STAM: variants seen among roughly 807,000 people sequenced by gnomAD.
STAM encodes the protein signal transducing adaptor molecule.
A neutral mutation model predicts 63.4 loss-of-function variants in STAM; 16 were observed. The observed-to-expected ratio is 0.25, with a 90% CI of 0.17 to 0.38. The LOEUF is 0.38. STAM is among the 10% of genes least tolerant of loss of function. STAM has a pLI of 1.00. For synonymous variants in STAM, 238 were observed against 223.9 expected, an observed-to-expected ratio of 1.06 and a Z score of -0.56; for missense variants, 636 against 657.1, an observed-to-expected ratio of 0.97 and a Z score of 0.35.
intron 2 of STAM, among the ~76,000 whole-genome samples, chr10:17,677,535 C>A (rs1411078851): frequency 6.6e-6 from 1 of 152,074 alleles, no homozygotes; most frequent in African/African-American, 2.4e-5. Context: ...TATGGGGTCA[C>A]GGACCCTGGC....
At position 17,644,275 on chromosome 10, in the gene STAM, C is replaced by T. The variant is rs1833429062; in HGVS notation, c.-65C>T. 1.3e-6 allele frequency: 2 copies of T among 1,573,740 alleles called. No homozygotes were observed. Among genetic ancestry groups the T allele is most frequent in the Non-Finnish European group, 1.7e-6 (2 of 1,144,212 alleles). On this transcript the variant is annotated 5_prime_UTR_variant, in exon 1 of 14. It adds an upstream start codon to the 5' untranslated region. Transcript: ENST00000377524. ...TTTGCCTGAGGAGTCTTCCATCCTA[C>T]GTCGAGCTCTGACTCCCGTGCTGTC...
chr10:17,660,050 A>C (rs1301791867), intron 1 of STAM, among the ~76,000 whole-genome samples: 1 of 116,532 alleles, frequency 8.6e-6, no homozygotes, highest in Non-Finnish European at 1.9e-5. Flanking sequence ...CCATATTATC[A>C]AAAAAAAAAT....
chr10:17,701,144 A>G (rs138501183), intron 9 of STAM, among the ~76,000 whole-genome samples: 2 of 152,324 alleles, frequency 1.3e-5, no homozygotes, highest in African/African-American at 4.8e-5. Context: ...TGGGATTTAA[A>G]TTTGAGATTT....
In STAM at chr10:17,716,621, A is replaced by G. The variant is rs1554830990; in HGVS notation, c.*1841A>G. On this transcript the variant is annotated 3_prime_UTR_variant, in exon 14 of 14. Transcript: ENST00000377524. ...GTCTTTTGATAAATTCCTGTTTACC[A>G]ATGTTAAATGTATCATTTTCCCATT... Among the ~76,000 whole-genome samples, 1 of 152,220 alleles carries G rather than the reference A, an allele frequency of 6.6e-6. No individual in the cohort carries two copies. The highest frequency in any genetic ancestry group is 1.5e-5 in the Non-Finnish European group (1 of 68,036).
chr10:17,677,654 A>G (rs2131616552), intron 2 of STAM, among the ~76,000 whole-genome samples: 2 of 152,348 alleles, frequency 1.3e-5, no homozygotes, highest in East Asian at 3.9e-4. Context: ...AATCTCTTAC[A>G]AAATCAGTAA....
intron 2 of STAM, among the ~76,000 whole-genome samples, chr10:17,683,939 T>A (rs1200935573): frequency 1.3e-5 from 2 of 152,216 alleles, no homozygotes; most frequent in Non-Finnish European, 2.9e-5. Context: ...GTGGTTACAT[T>A]CGTCTGTGGC....
intron 2 of STAM, among the ~76,000 whole-genome samples, chr10:17,666,385 G>GTTTTTTTTTTTTTTTTTTTTT (rs1425682476): frequency 9.8e-6 from 1 of 102,298 alleles, no homozygotes; most frequent in African/African-American, 3.8e-5. Context: ...CCTTGGCTTT[G>GTTTTTTTTTTTTTTTTTTTTT]TATTTTTTTT....
chr10:17,706,469 T>C (rs541527938), intron 12 of STAM, among the ~76,000 whole-genome samples: 31 of 139,918 alleles, frequency 2.2e-4, no homozygotes, highest in African/African-American at 7.9e-4. Flanking sequence ...AGCTCCGCCT[T>C]CCGGGTTCTC....
chr10:17,695,318 C>T (rs1024037803), intron 7 of STAM, 77 bp downstream of exon 7: 4 of 1,325,504 alleles, frequency 3.0e-6, no homozygotes, highest in African/African-American at 1.5e-5. Flanking sequence ...CTGTTGATTG[C>T]AGTTACCAAA....
chr10:17,666,109 GTTAAAA>G (rs782169500), intron 2 of STAM, among the ~76,000 whole-genome samples: 1 of 152,136 alleles, frequency 6.6e-6, no homozygotes, highest in Non-Finnish European at 1.5e-5. Flanking sequence ...TCAATAACAA[GTTAAAA>G]TTAAAGTTCT....
chr10:17,671,107 T>C (rs193159426), intron 2 of STAM, among the ~76,000 whole-genome samples: 103 of 152,298 alleles, frequency 6.8e-4, no homozygotes, highest in African/African-American at 2.4e-3. Flanking sequence ...CAGCAAAGAT[T>C]TGAGTTCCCA....
chr10:17,694,057 T>C (rs1484896250), intron 6 of STAM, among the ~76,000 whole-genome samples: 1 of 152,204 alleles, frequency 6.6e-6, no homozygotes, highest in Non-Finnish European at 1.5e-5. Context: ...GTTCTTTTTT[T>C]GTATATTCAC....
chr10:17,659,606 A>G (rs1564532232), intron 1 of STAM, among the ~76,000 whole-genome samples: 1 of 151,516 alleles, frequency 6.6e-6, no homozygotes, highest in Non-Finnish European at 1.5e-5. Context: ...GTAGCTGGGA[A>G]TACAGGTGCA....
At chr10:17,700,409 G>T in intron 9 of STAM, 130 bp downstream of exon 9, 1 of 656,258 alleles carries the variant, frequency 1.5e-6, no homozygotes. Flanking sequence ...AAAAATTCAA[G>T]CAATATAGAC....
At chr10:17,670,049 G>C (rs1834573682) in intron 2 of STAM, among the ~76,000 whole-genome samples, 1 of 151,982 alleles carries the variant, frequency 6.6e-6, no homozygotes, top group South Asian at 2.1e-4. Context: ...CCTTCTTAAA[G>C]GGTAGACGGG....
rs7079145 is a variant in STAM at position 17,652,596 on chromosome 10, T to C, written c.41-7868T>C. On this transcript the variant is annotated intron_variant, in intron 1 of 13. Transcript: ENST00000377524. ...TAATAAGTTTTAATATGCTTAGCTATTATGTTTTTGAATAAGGTGGCAGGT... is the reference window on the plus strand; with the variant it reads ...TAATAAGTTTTAATATGCTTAGCTACTATGTTTTTGAATAAGGTGGCAGGT... 6.7e-3 allele frequency among the ~76,000 whole-genome samples: 1,023 copies of C among 152,286 alleles called. 12 individuals carry two copies. The highest frequency in any genetic ancestry group is 0.023 in the African/African-American group (942 of 41,558).
chr10:17,703,626 A>G (rs1836119944), intron 9 of STAM, among the ~76,000 whole-genome samples: 1 of 152,186 alleles, frequency 6.6e-6, no homozygotes, highest in Non-Finnish European at 1.5e-5. Flanking sequence ...AGATGTGTGT[A>G]TGTAATAATG....
chr10:17,669,169 C>T (rs1834523636), intron 2 of STAM, among the ~76,000 whole-genome samples: 1 of 152,140 alleles, frequency 6.6e-6, no homozygotes, highest in Non-Finnish European at 1.5e-5. Flanking sequence ...TATCCCAACA[C>T]CATTTACTGA....
intron 1 of STAM, among the ~76,000 whole-genome samples, chr10:17,653,419 C>A (rs1554821759): frequency 6.6e-6 from 1 of 152,106 alleles, no homozygotes; most frequent in Admixed American, 6.5e-5. Context: ...CACTGAAGCT[C>A]AGTTAAGCAT....
Sources: allele counts gnomAD v4.1 joint callset (sites outside exome capture counted in the v4.1 genomes callset), GRCh38; gene constraint gnomAD v4.1.1; transcripts MANE v1.5; gene names NCBI Gene and HGNC (gene_info 2026-07-23, HGNC 2026-07-21).